Variants in ARHGAP42 observed in about 807,000 individuals in gnomAD.
The protein encoded by ARHGAP42 is rho GTPase-activating protein 42.
Under a neutral mutation model 125.0 loss-of-function variants are expected in ARHGAP42, and 63 were observed. That is an observed-to-expected ratio of 0.50 (90% confidence interval 0.41 to 0.62). The LOEUF is 0.62. Among genes scored for constraint, ARHGAP42 ranks in the 20% least tolerant of loss-of-function variants. The pLI is 0.00. For missense variants in ARHGAP42, 766 were observed against 1,024.2 expected (o/e 0.75, Z 3.44); for synonymous variants, 339 against 351.0 (o/e 0.97, Z 0.38).
chr11:100,970,075 G>A (rs528695097), intron 17 of ARHGAP42, among the ~76,000 whole-genome samples: 13 of 151,884 alleles, frequency 8.6e-5, no homozygotes, highest in African/African-American at 3.1e-4. Flanking sequence ...TGCAACCTCT[G>A]CCTCTCGGGT....
intron 4 of ARHGAP42, among the ~76,000 whole-genome samples, chr11:100,867,349 T>C (rs187985747): frequency 6.6e-6 from 1 of 152,354 alleles, no homozygotes; most frequent in East Asian, 1.9e-4. Flanking sequence ...TGTTGTTTGG[T>C]GTAGCCACCT....
chr11:100,865,424 C>T (rs752471700), intron 4 of ARHGAP42, among the ~76,000 whole-genome samples: 72 of 152,006 alleles, frequency 4.7e-4, no homozygotes, highest in Non-Finnish European at 8.7e-4. Context: ...CTGCAGGATA[C>T]AAAATCAATG....
intron 1 of ARHGAP42, among the ~76,000 whole-genome samples, chr11:100,751,570 G>A (rs998615568): frequency 5.3e-5 from 8 of 151,746 alleles, no homozygotes; most frequent in Admixed American, 5.3e-4. Flanking sequence ...AAAGTAGATG[G>A]GTAAATGCAA....
At chr11:100,811,555 A>G (rs1373663151) in intron 3 of ARHGAP42, among the ~76,000 whole-genome samples, 1 of 145,910 alleles carries the variant, frequency 6.9e-6, no homozygotes, top group African/African-American at 2.6e-5. Flanking sequence ...CCCAGACTGG[A>G]GTGCAGTGGT....
chr11:100,733,583 G>T (rs138925906), intron 1 of ARHGAP42, among the ~76,000 whole-genome samples: 6,697 of 152,094 alleles, frequency 0.044, 293 homozygotes, highest in East Asian at 0.23. Context: ...CAGCACTCTG[G>T]GCGGCCGAGG....
At chr11:100,936,181 T>C in intron 7 of ARHGAP42, 22 bp from the exon 8 acceptor site, 3 of 1,550,398 alleles carry the variant, frequency 1.9e-6, no homozygotes, top group Non-Finnish European at 2.6e-6. Context: ...ATGACTGAAA[T>C]TATTGTTTCT....
intron 1 of ARHGAP42, among the ~76,000 whole-genome samples, chr11:100,756,393 G>C (rs906177192): frequency 6.6e-6 from 1 of 152,052 alleles, no homozygotes; most frequent in Non-Finnish European, 1.5e-5. Flanking sequence ...GCAAGACCCT[G>C]TCTCAAAAAT....
chr11:100,730,468 A>T (rs1196482791), intron 1 of ARHGAP42, among the ~76,000 whole-genome samples: 1 of 152,240 alleles, frequency 6.6e-6, no homozygotes, highest in Non-Finnish European at 1.5e-5. Flanking sequence ...ATTCAATTAC[A>T]GCTGAAAAGC....
At chr11:100,705,533 G>A (rs1209830885) in intron 1 of ARHGAP42, among the ~76,000 whole-genome samples, 4 of 152,118 alleles carry the variant, frequency 2.6e-5, no homozygotes, top group Non-Finnish European at 5.9e-5. Flanking sequence ...CACATGTAAA[G>A]TATCTAGTAC....
chr11:100,807,004 C>T (rs996875758), intron 3 of ARHGAP42, among the ~76,000 whole-genome samples: 4 of 151,842 alleles, frequency 2.6e-5, no homozygotes, highest in African/African-American at 7.3e-5. Context: ...CCCGCCACCA[C>T]GCCTGGCTAA....
intron 5 of ARHGAP42, among the ~76,000 whole-genome samples, chr11:100,914,684 T>C (rs531243): frequency 0.22 from 32,933 of 152,082 alleles, 5,696 homozygotes; most frequent in African/African-American, 0.48. Context: ...TTTAGTCTCC[T>C]CCTCCTCTCT....
intron 6 of ARHGAP42, among the ~76,000 whole-genome samples, chr11:100,925,898 G>A (rs935662616): frequency 1.3e-5 from 2 of 152,052 alleles, no homozygotes; most frequent in African/African-American, 4.8e-5. Flanking sequence ...GATCAGGGAG[G>A]GAGAAACATC....
chr11:100,973,098 A>G (rs1485288225), intron 17 of ARHGAP42, 77 bp from the exon 18 acceptor site: 7 of 1,320,750 alleles, frequency 5.3e-6, no homozygotes, highest in African/African-American at 1.5e-5. Flanking sequence ...TTTTTGCACC[A>G]CAAATTTGAT....
chr11:100,720,404 T>G (rs972389187), intron 1 of ARHGAP42, among the ~76,000 whole-genome samples: 4 of 152,238 alleles, frequency 2.6e-5, no homozygotes, highest in Non-Finnish European at 4.4e-5. Context: ...ACTGCCCTGA[T>G]GGTGGGAATA....
At chr11:100,722,797 T>C (rs1005586788) in intron 1 of ARHGAP42, among the ~76,000 whole-genome samples, 18 of 152,210 alleles carry the variant, frequency 1.2e-4, no homozygotes, top group African/African-American at 4.1e-4. Flanking sequence ...ATTTTCAATG[T>C]TAATGAAGTG....
In ARHGAP42 at chr11:100,807,574, G is replaced by A. The variant is rs144643014; in HGVS notation, c.312+12408G>A. Among the ~76,000 whole-genome samples, 486 of 152,134 alleles carry A rather than the reference G, an allele frequency of 3.2e-3. 7 individuals are homozygous for A. The highest frequency in any genetic ancestry group is 0.028 in the Admixed American group (432 of 15,286). On this transcript the variant is annotated intron_variant, in intron 3 of 23. Transcript: ENST00000298815. ...TAAATGAGTTACTCAGTGTGATGTCGACCTCCAGTAAGTGACCACACTTTA... is the reference window on the plus strand; with the variant it reads ...TAAATGAGTTACTCAGTGTGATGTCAACCTCCAGTAAGTGACCACACTTTA...
Position 100,858,086 on chromosome 11 carries a change from G to GGGGTGTGT in ARHGAP42, c.313-1467_313-1466insGGTGTGTG, listed in dbSNP as rs779137957. On this transcript the variant is annotated intron_variant, in intron 3 of 23. Coordinates refer to ENST00000298815, the MANE Select transcript of ARHGAP42 (RefSeq NM_152432.4). ...GTCGCATCTGTACAATCTGGATAGG[G>GGGGTGTGT]GTGTGTGTGTGTGTGTGTGTGTGTG... 9.2e-5 allele frequency among the ~76,000 whole-genome samples: 10 copies of GGGGTGTGT among 109,018 alleles called. No individual in the cohort carries two copies. In the South Asian group the frequency reaches 2.5e-3, roughly 28 times the overall value. The allele number at this position is 109,018 out of a possible 152,430, so 71.5% of individuals were successfully genotyped here. A position where few individuals can be genotyped will look rare whatever the true frequency, so the allele number is the denominator to read the frequency against.
At chr11:100,962,332 C>G (rs1857976782) in intron 15 of ARHGAP42, 77 bp from the exon 16 acceptor site, 2 of 1,164,394 alleles carry the variant, frequency 1.7e-6, no homozygotes, top group Non-Finnish European at 2.4e-6. Context: ...TCACCTAATT[C>G]TTAAAGAAAC....
At chr11:100,857,495 C>G (rs958842072) in intron 3 of ARHGAP42, among the ~76,000 whole-genome samples, 7 of 152,066 alleles carry the variant, frequency 4.6e-5, no homozygotes, top group Non-Finnish European at 1.0e-4. Context: ...CTTTCCTTCC[C>G]AATAAAAAAC....
Sources: allele counts gnomAD v4.1 joint callset (sites outside exome capture counted in the v4.1 genomes callset), GRCh38; gene constraint gnomAD v4.1.1; transcripts MANE v1.5; gene names NCBI Gene and HGNC (gene_info 2026-07-23, HGNC 2026-07-21).